The following GTF2E2 variants were observed in gnomAD, a reference collection of about 807,000 sequenced individuals.
GTF2E2 encodes general transcription factor IIE subunit 2.
In GTF2E2, 21 loss-of-function variants were observed where a neutral mutation model predicts 40.5. That is an observed-to-expected ratio of 0.52 (90% confidence interval 0.37 to 0.75). GTF2E2 has a LOEUF of 0.75. Among genes scored for constraint, GTF2E2 ranks in the 30% least tolerant of loss-of-function variants. GTF2E2 has a pLI of 0.00. For missense variants in GTF2E2, 298 were observed against 338.4 expected (o/e 0.88, Z 0.94); for synonymous variants, 117 against 121.6 (o/e 0.96, Z 0.25).
chr8:30,643,811 A>C (rs1171646052), intron 2 of GTF2E2: 1 of 152,098 alleles, frequency 6.6e-6, no homozygotes, highest in Non-Finnish European at 1.5e-5. Context: ...GCTAGTAAGA[A>C]AGAAAAAAAA....
chr8:30,644,631 T>G (rs994347766), intron 2 of GTF2E2: 21 of 152,176 alleles, frequency 1.4e-4, no homozygotes, highest in African/African-American at 5.1e-4. Flanking sequence ...TTGAAGAACA[T>G]AACCTTAAAA....
chr8:30,646,630 A>G (rs1188646619), intron 2 of GTF2E2, among the ~76,000 whole-genome samples: 15 of 152,164 alleles, frequency 9.9e-5, no homozygotes, highest in Non-Finnish European at 1.3e-4. Context: ...AATAACAAAA[A>G]ATTGAAAATA....
At position 30,635,591 on chromosome 8, in the gene GTF2E2, C is replaced by T. The variant is rs543343873; in HGVS notation, c.167-468G>A. Among the ~76,000 whole-genome samples, 57 of 152,150 alleles carry T rather than the reference C, an allele frequency of 3.7e-4. 3 individuals are homozygous for T. The South Asian group carries it at 9.1e-3, about 24-fold the overall frequency. On this transcript the variant is annotated intron_variant, in intron 2 of 7. Transcript: ENST00000355904. The stretch of plus-strand genomic sequence containing the variant: ...AGAGATGGGGTTTCGCCATGTTGCC[C>T]AGGCTGGTCTCAAACTCCTGGACTC...
intron 6 of GTF2E2, among the ~76,000 whole-genome samples, chr8:30,601,781 A>T (rs1458666219): frequency 2.0e-5 from 3 of 152,246 alleles, no homozygotes; most frequent in Non-Finnish European, 4.4e-5. Flanking sequence ...TAGCATTATT[A>T]ACCTTGATAA....
intron 6 of GTF2E2, 34 bp from the exon 7 acceptor site, chr8:30,580,430 C>A: frequency 8.6e-7 from 1 of 1,167,116 alleles, no homozygotes; most frequent in East Asian, 2.3e-5. Flanking sequence ...TTTTACAATC[C>A]ATTTTTACAA....
intron 2 of GTF2E2, chr8:30,645,179 T>G: frequency 9.8e-7 from 1 of 1,023,810 alleles, no homozygotes. Context: ...TTAAGGAAGA[T>G]TCATGTTGCC....
intron 2 of GTF2E2, among the ~76,000 whole-genome samples, chr8:30,642,495 A>G (rs1016100416): frequency 6.6e-6 from 1 of 152,174 alleles, no homozygotes; most frequent in African/African-American, 2.4e-5. Context: ...TAAATAATAT[A>G]TTTAAATTGT....
chr8:30,578,951 C>T lies in GTF2E2; in HGVS notation c.846G>A (p.Lys282=). The T allele has an allele frequency of 6.3e-7, 1 of 1,597,646 alleles. No individual in the cohort carries two copies. The highest frequency in any genetic ancestry group is 1.1e-5 in the South Asian group (1 of 90,712). Residue 282 remains lysine (K), a synonymous_variant, in exon 8 of 8, where the codon AAG becomes AAA. Transcript: ENST00000355904. ...THNEHLAGVL[K]DYSDITSSK ...TGCTGGAAGTAATGTCAGAGTAATCCTTCAGCACTCCAGCCAAGTGTTCGT... is the reference window on the plus strand; with the variant it reads ...TGCTGGAAGTAATGTCAGAGTAATCTTTCAGCACTCCAGCCAAGTGTTCGT...
intron 3 of GTF2E2, among the ~76,000 whole-genome samples, chr8:30,622,302 G>T (rs1405551170): frequency 4.6e-5 from 7 of 151,956 alleles, no homozygotes; most frequent in African/African-American, 1.5e-4. Context: ...GCGTCCAGGG[G>T]AGACATCACA....
chr8:30,614,547 T>TAA (rs561198137), intron 4 of GTF2E2, 61 bp downstream of exon 4: 22 of 846,876 alleles, frequency 2.6e-5, no homozygotes, highest in Admixed American at 8.4e-5. Flanking sequence ...GACTCTGTCT[T>TAA]AAAAAAAAAA....
chr8:30,598,955 C>T (rs566710942), intron 6 of GTF2E2, among the ~76,000 whole-genome samples: 2 of 152,184 alleles, frequency 1.3e-5, no homozygotes, highest in East Asian at 3.9e-4. Context: ...CCCAGGAGTT[C>T]AAGACCAGTC....
intron 6 of GTF2E2, chr8:30,584,498 G>A (rs1828616520): frequency 6.6e-6 from 1 of 152,138 alleles, no homozygotes. Flanking sequence ...TAAACCGTAA[G>A]GGTAAATAAA....
intron 3 of GTF2E2, among the ~76,000 whole-genome samples, chr8:30,625,762 G>T (rs1262995483): frequency 1.3e-5 from 2 of 152,012 alleles, no homozygotes; most frequent in African/African-American, 2.4e-5. Flanking sequence ...TCACACCCAG[G>T]TAATTTTTGT....
At chr8:30,605,783 T>G (rs980293162) in intron 6 of GTF2E2, among the ~76,000 whole-genome samples, 1 of 152,104 alleles carries the variant, frequency 6.6e-6, no homozygotes, top group Non-Finnish European at 1.5e-5. Context: ...GTCTCAGCCT[T>G]GTGAGTAGCT....
Position 30,606,317 on chromosome 8 carries a change from T to C in GTF2E2, c.643+740A>G, listed in dbSNP as rs139815163. On this transcript the variant is annotated intron_variant, in intron 6 of 7. Transcript: ENST00000355904. ...TACCAGAACCACAAGCCTGGATATCTATAGACAGATAACAAAAGGAAAACT... is the reference window on the plus strand; with the variant it reads ...TACCAGAACCACAAGCCTGGATATCCATAGACAGATAACAAAAGGAAAACT... Among the ~76,000 whole-genome samples, 30 of 152,324 alleles carry C rather than the reference T, an allele frequency of 2.0e-4. 1 individual carries two copies. In the East Asian group the frequency reaches 4.2e-3, roughly 22 times the overall value.
intron 2 of GTF2E2, chr8:30,636,895 T>C (rs1240776785): frequency 4.9e-6 from 2 of 405,774 alleles, no homozygotes; most frequent in Non-Finnish European, 9.5e-6. Flanking sequence ...TAGGTGCTTT[T>C]CCATTCACTG....
At chr8:30,590,558 G>A (rs1828816478) in intron 6 of GTF2E2, among the ~76,000 whole-genome samples, 1 of 152,036 alleles carries the variant, frequency 6.6e-6, no homozygotes, top group South Asian at 2.1e-4. Flanking sequence ...AACTCCTAGA[G>A]GAAAAACCCC....
In GTF2E2 at chr8:30,654,088, C is replaced by CA. The variant is rs11307086; in HGVS notation, c.-4-487dup. Among the ~76,000 whole-genome samples the CA allele has an allele frequency of 1.0e-3, 117 of 115,332 alleles. 1 individual carries two copies. Among genetic ancestry groups the CA allele is most frequent in the African/African-American group, 1.6e-3 (50 of 31,012 alleles). 75.7% of individuals were successfully genotyped at this position (115,332 alleles called of 152,430 possible). A position where few individuals can be genotyped will look rare whatever the true frequency, so the allele number is the denominator to read the frequency against. Reference sequence around the variant, plus strand: ...TGGGTGACAGACCAAGACCCTTGTTCAAAAAAAAAAAAAAAAAAGAAAGAA... The same window carrying CA: ...TGGGTGACAGACCAAGACCCTTGTTCAAAAAAAAAAAAAAAAAAAGAAAGAA... On this transcript the variant is annotated intron_variant, in intron 1 of 7. Coordinates refer to ENST00000355904, the MANE Select transcript of GTF2E2 (RefSeq NM_002095.6).
In GTF2E2 at chr8:30,658,187, G is replaced by A. The variant is rs1436607526; in HGVS notation, c.-219C>T. The stretch of plus-strand genomic sequence containing the variant: ...AGCGGCGGTAGCTGAGGCGGCGACT[G>A]GACCCGGGACTCCGCCCGCCACTTC... On this transcript the variant is annotated 5_prime_UTR_variant, in exon 1 of 8. Coordinates refer to ENST00000355904, the MANE Select transcript of GTF2E2 (RefSeq NM_002095.6). The A allele has an allele frequency of 3.1e-5, 6 of 190,652 alleles. 1 individual carries two copies. Among genetic ancestry groups the A allele is most frequent in the Admixed American group, 2.6e-4 (4 of 15,578 alleles). 11.8% of individuals were successfully genotyped at this position (190,652 alleles called of 1,614,324 possible).
Sources: gnomAD v4.1 joint callset for allele counts (sites outside exome capture counted in the v4.1 genomes callset) on GRCh38, gnomAD v4.1.1 for gene constraint, MANE v1.5 for transcripts, NCBI Gene and HGNC (gene_info 2026-07-23, HGNC 2026-07-21) for gene names.